Variants in PDE11A observed in about 807,000 individuals in gnomAD.
The protein encoded by PDE11A is phosphodiesterase 11A.
A neutral mutation model predicts 100.5 loss-of-function variants in PDE11A; 100 were observed. The observed-to-expected ratio is 1.00, with a 90% CI of 0.85 to 1.18. The LOEUF (loss-of-function observed/expected upper bound fraction) is 1.18. PDE11A is among the 50% of genes most tolerant of loss of function. PDE11A has a pLI of 0.00. For synonymous variants in PDE11A, 381 were observed against 420.8 expected, an observed-to-expected ratio of 0.91 and a Z score of 1.16; for missense variants, 1,141 against 1,152.6, an observed-to-expected ratio of 0.99 and a Z score of 0.15.
intron 1 of PDE11A, among the ~76,000 whole-genome samples, chr2:178,035,365 G>A (rs549495021): frequency 6.6e-6 from 1 of 152,278 alleles, no homozygotes; most frequent in South Asian, 2.1e-4. Context: ...AACAAGTTCT[G>A]AAATTAAGGC....
intron 6 of PDE11A, among the ~76,000 whole-genome samples, chr2:177,825,881 C>A (rs1280790131): frequency 6.6e-6 from 1 of 152,194 alleles, no homozygotes; most frequent in African/African-American, 2.4e-5. Flanking sequence ...AGCTGATTCT[C>A]ATCTTTGTGC....
At chr2:177,955,787 C>G (rs971819306) in intron 2 of PDE11A, among the ~76,000 whole-genome samples, 3 of 152,102 alleles carry the variant, frequency 2.0e-5, no homozygotes, top group Non-Finnish European at 4.4e-5. Context: ...TTTGACAAAC[C>G]TGAGAAAAAC....
chr2:177,840,429 GT>G (rs769243155), intron 5 of PDE11A, 46 bp from the exon 6 acceptor site: 61 of 1,590,952 alleles, frequency 3.8e-5, no homozygotes, highest in Non-Finnish European at 5.0e-5. Context: ...AGAAACGTAA[GT>G]TTTCTTGAAA....
chr2:177,854,703 A>G lies in PDE11A; in HGVS notation c.1368-14320T>C, dbSNP rs898387211. Among the ~76,000 whole-genome samples, 5 of 152,084 alleles carry G rather than the reference A, an allele frequency of 3.3e-5. 1 individual carries two copies. Among genetic ancestry groups the G allele is most frequent in the Admixed American group, 6.6e-5 (1 of 15,246 alleles). On this transcript the variant is annotated intron_variant, in intron 5 of 19. Transcript: ENST00000286063. ...AGAATATCTGGGTAACTTTGTAACA[A>G]TGAAGCTTCCTGGTAAATGAAGTGG...
chr2:177,748,173 G>A (rs191062348), intron 10 of PDE11A, among the ~76,000 whole-genome samples: 31 of 152,260 alleles, frequency 2.0e-4, no homozygotes, highest in African/African-American at 5.3e-4. Flanking sequence ...ATGGAAACAC[G>A]TTTAATAAAT....
At chr2:178,027,796 T>C (rs2086496263) in intron 1 of PDE11A, among the ~76,000 whole-genome samples, 1 of 152,182 alleles carries the variant, frequency 6.6e-6, no homozygotes, top group African/African-American at 2.4e-5. Context: ...GTGAAATGGA[T>C]GGATTTTTCA....
At chr2:177,652,651 C>T (rs1036444638) in intron 19 of PDE11A, among the ~76,000 whole-genome samples, 1 of 152,000 alleles carries the variant, frequency 6.6e-6, no homozygotes, top group African/African-American at 2.4e-5. Flanking sequence ...AGAGTGGAGG[C>T]AGCTGGCAAG....
chr2:178,027,285 A>G (rs2086490133), intron 1 of PDE11A, among the ~76,000 whole-genome samples: 1 of 152,216 alleles, frequency 6.6e-6, no homozygotes, highest in South Asian at 2.1e-4. Flanking sequence ...AAAAAGCATT[A>G]GAATTTATTT....
chr2:177,970,112 G>A (rs554794868), intron 2 of PDE11A, among the ~76,000 whole-genome samples: 3 of 152,226 alleles, frequency 2.0e-5, no homozygotes, highest in South Asian at 2.1e-4. Flanking sequence ...AAATTCCAAC[G>A]TAAATCAAGT....
intron 2 of PDE11A, among the ~76,000 whole-genome samples, chr2:177,971,198 G>A (rs112478633): frequency 0.017 from 2,630 of 152,304 alleles, 37 homozygotes; most frequent in Non-Finnish European, 0.027. Flanking sequence ...CAAGACAGCA[G>A]CTATGCATGT....
intron 17 of PDE11A, 90 bp downstream of exon 17, chr2:177,675,365 T>C: frequency 8.7e-6 from 8 of 919,620 alleles, no homozygotes; most frequent in Non-Finnish European, 1.4e-5. Context: ...AGGGTTTCAG[T>C]GCCTGGTAGT....
chr2:178,037,447 G>A (rs974827938), intron 1 of PDE11A, among the ~76,000 whole-genome samples: 2 of 152,198 alleles, frequency 1.3e-5, no homozygotes, highest in African/African-American at 2.4e-5. Context: ...TTCAACCATT[G>A]TGGAAGATAA....
At chr2:177,695,355 T>C (rs964420268) in intron 15 of PDE11A, among the ~76,000 whole-genome samples, 24 of 152,176 alleles carry the variant, frequency 1.6e-4, no homozygotes, top group African/African-American at 5.8e-4. Flanking sequence ...GTAGCTATTC[T>C]GAAATATACA....
At chr2:177,835,261 C>G (rs1193315469) in intron 6 of PDE11A, among the ~76,000 whole-genome samples, 1 of 152,216 alleles carries the variant, frequency 6.6e-6, no homozygotes, top group Non-Finnish European at 1.5e-5. Context: ...ACACCTTATC[C>G]TGTCTTCCTA....
At chr2:177,765,759 C>T (rs1480510957) in intron 10 of PDE11A, among the ~76,000 whole-genome samples, 1 of 152,318 alleles carries the variant, frequency 6.6e-6, no homozygotes, top group Non-Finnish European at 1.5e-5. Context: ...AAACTACATG[C>T]TGAACTTGGA....
intron 1 of PDE11A, among the ~76,000 whole-genome samples, chr2:178,033,667 A>G (rs765740891): frequency 3.3e-5 from 5 of 152,230 alleles, no homozygotes; most frequent in Non-Finnish European, 7.3e-5. Flanking sequence ...CAGGTTACCT[A>G]CAAAGGGAAG....
At chr2:177,747,213 A>G (rs1157873462) in intron 10 of PDE11A, among the ~76,000 whole-genome samples, 1 of 152,258 alleles carries the variant, frequency 6.6e-6, no homozygotes, top group Non-Finnish European at 1.5e-5. Flanking sequence ...GAACAACTTG[A>G]AAAGCATCAA....
At chr2:177,961,447 C>A (rs2085631379) in intron 2 of PDE11A, among the ~76,000 whole-genome samples, 1 of 152,162 alleles carries the variant, frequency 6.6e-6, no homozygotes, top group African/African-American at 2.4e-5. Context: ...TTTCTTTCAT[C>A]CGTCTCCAAA....
chr2:178,078,024 T>C (rs2087229629), intron 2 of PDE11A, among the ~76,000 whole-genome samples: 1 of 152,252 alleles, frequency 6.6e-6, no homozygotes, highest in South Asian at 2.1e-4. Context: ...AGTCACCATG[T>C]TTGTGGTAAT....
Sources: gnomAD v4.1 joint callset for allele counts (sites outside exome capture counted in the v4.1 genomes callset) on GRCh38, gnomAD v4.1.1 for gene constraint, MANE v1.5 for transcripts, NCBI Gene and HGNC (gene_info 2026-07-23, HGNC 2026-07-21) for gene names.